Variants in SLC71A2 observed in about 807,000 individuals in gnomAD.
SLC71A2 encodes solute carrier family 71 member 2, also known as hippocampus abundant transcript-like 1.
chr9:94,435,485 A>G, the SLC71A2 span, among the ~76,000 whole-genome samples: 3 of 152,164 alleles, frequency 2.0e-5, no homozygotes, highest in African/African-American at 7.2e-5. Flanking sequence ...TATTCCTACC[A>G]GCATACAAGC....
chr9:94,396,716 G>A, the SLC71A2 span, among the ~76,000 whole-genome samples: 6 of 152,296 alleles, frequency 3.9e-5, no homozygotes, highest in South Asian at 6.2e-4. Flanking sequence ...ATAAAAATAA[G>A]CAGTGGACTA....
chr9:94,408,334 T>C, the SLC71A2 span, among the ~76,000 whole-genome samples: 2 of 152,210 alleles, frequency 1.3e-5, no homozygotes, highest in East Asian at 3.9e-4. Flanking sequence ...GGAACAGCTG[T>C]ATAGGGTTTG....
At chr9:94,444,946 G>C in the SLC71A2 span, 1 of 1,611,086 alleles carries the variant, frequency 6.2e-7, no homozygotes, top group Non-Finnish European at 8.5e-7. Flanking sequence ...CCCTGGGTGA[G>C]AGTGTGCTTT....
the SLC71A2 span, among the ~76,000 whole-genome samples, chr9:94,429,613 G>A: frequency 2.0e-5 from 3 of 152,108 alleles, no homozygotes; most frequent in African/African-American, 7.2e-5. Context: ...GTATATCTGA[G>A]GAAGAAGGAA....
At chr9:94,414,143 G>A in the SLC71A2 span, among the ~76,000 whole-genome samples, 1 of 152,190 alleles carries the variant, frequency 6.6e-6, no homozygotes, top group African/African-American at 2.4e-5. Flanking sequence ...GTGTGTACAG[G>A]AATGAGAGCA....
chr9:94,459,434 T>C, the SLC71A2 span: 1 of 1,611,782 alleles, frequency 6.2e-7, no homozygotes, highest in African/African-American at 1.3e-5. Flanking sequence ...AGTGGGATTC[T>C]GCATACGCCA....
chr9:94,400,381 T>TA, the SLC71A2 span, among the ~76,000 whole-genome samples: 1 of 151,964 alleles, frequency 6.6e-6, no homozygotes, highest in African/African-American at 2.4e-5. Flanking sequence ...GAGACAAATA[T>TA]AAGTTTTAGG....
chr9:94,383,332 T>G, the SLC71A2 span, among the ~76,000 whole-genome samples: 1 of 151,864 alleles, frequency 6.6e-6, no homozygotes, highest in Non-Finnish European at 1.5e-5. Context: ...CTGGCTAATT[T>G]TTGTATTTTT....
chr9:94,428,377 G>A, the SLC71A2 span, among the ~76,000 whole-genome samples: 3 of 130,006 alleles, frequency 2.3e-5, no homozygotes, highest in African/African-American at 6.3e-5. Flanking sequence ...TTCAGTACAG[G>A]CAGGTAGAGT....
At chr9:94,429,426 A>G in the SLC71A2 span, among the ~76,000 whole-genome samples, 5 of 152,174 alleles carry the variant, frequency 3.3e-5, no homozygotes, top group Admixed American at 6.5e-5. Context: ...ACAAATACAT[A>G]AGGCATAGAA....
At chr9:94,382,998 C>G in the SLC71A2 span, among the ~76,000 whole-genome samples, 1 of 151,896 alleles carries the variant, frequency 6.6e-6, no homozygotes, top group South Asian at 2.1e-4. Flanking sequence ...GGCCTTCCTT[C>G]TATGTTTATG....
chr9:94,425,898 T>A, the SLC71A2 span, among the ~76,000 whole-genome samples: 3 of 152,066 alleles, frequency 2.0e-5, no homozygotes, highest in Non-Finnish European at 4.4e-5. Flanking sequence ...TGGAGTCGGT[T>A]AAGTTAGATC....
chr9:94,383,492 C>T, the SLC71A2 span, among the ~76,000 whole-genome samples: 1 of 151,970 alleles, frequency 6.6e-6, no homozygotes, highest in African/African-American at 2.4e-5. Context: ...AATCAATTGT[C>T]CATATATTAG....
the SLC71A2 span, among the ~76,000 whole-genome samples, chr9:94,398,523 A>G: frequency 6.6e-6 from 1 of 152,138 alleles, no homozygotes; most frequent in Non-Finnish European, 1.5e-5. Context: ...GAGCCTCAGT[A>G]CATTTACTTA....
At chr9:94,419,998 T>C in the SLC71A2 span, among the ~76,000 whole-genome samples, 1 of 152,214 alleles carries the variant, frequency 6.6e-6, no homozygotes, top group Non-Finnish European at 1.5e-5. Flanking sequence ...TGGATCTGTA[T>C]GTGAGCTGGA....
At chr9:94,395,722 A>G in the SLC71A2 span, among the ~76,000 whole-genome samples, 1,219 of 152,302 alleles carry the variant, frequency 8.0e-3, 19 homozygotes, top group African/African-American at 0.028. Flanking sequence ...CATTGACCAC[A>G]GTTGGGCCAT....
At chr9:94,426,862 T>C in the SLC71A2 span, among the ~76,000 whole-genome samples, 13 of 152,298 alleles carry the variant, frequency 8.5e-5, no homozygotes, top group Admixed American at 2.6e-4. Context: ...AGATACAAGG[T>C]CTTGCTCTGT....
At chr9:94,449,120 A>G in the SLC71A2 span, among the ~76,000 whole-genome samples, 2 of 152,246 alleles carry the variant, frequency 1.3e-5, no homozygotes, top group Non-Finnish European at 2.9e-5. Context: ...GCTAAAAAAA[A>G]AGTTACATCT....
chr9:94,431,877 T>C, the SLC71A2 span, among the ~76,000 whole-genome samples: 2 of 152,224 alleles, frequency 1.3e-5, no homozygotes, highest in African/African-American at 2.4e-5. Flanking sequence ...CCCGTGGCTC[T>C]ACCTGGTTCC....
Sources: gnomAD v4.1 joint callset for allele counts (sites outside exome capture counted in the v4.1 genomes callset) on GRCh38, gnomAD v4.1.1 for gene constraint, MANE v1.5 for transcripts, NCBI Gene and HGNC (gene_info 2026-07-23, HGNC 2026-07-21) for gene names.